NAA35: variants seen among roughly 807,000 people sequenced by gnomAD.
NAA35 encodes MAK10 homolog, amino-acid N-acetyltransferase subunit.
In NAA35, 18 loss-of-function variants were observed where a neutral mutation model predicts 101.7. That is an observed-to-expected ratio of 0.18 (90% CI 0.12 to 0.26). The LOEUF is 0.26. Ranked by LOEUF, NAA35 falls within the 10% of genes least tolerant of loss-of-function variation. The probability of loss-of-function intolerance (pLI) is 1.00; values close to 1 mark genes in which losing one functional copy is unlikely to be tolerated. For missense variants in NAA35, 601 were observed against 886.8 expected (o/e 0.68, Z 4.09); for synonymous variants, 267 against 273.1 (o/e 0.98, Z 0.22).
chr9:86,005,583 G>A (rs1001320593), intron 13 of NAA35, among the ~76,000 whole-genome samples: 1 of 152,130 alleles, frequency 6.6e-6, no homozygotes, highest in African/African-American at 2.4e-5. Context: ...GAATGCCCAT[G>A]GATTTTACAA....
rs1019796474 is a variant in NAA35 at position 85,986,422 on chromosome 9, G to C, written c.877+8041G>C. On this transcript the variant is annotated intron_variant, in intron 11 of 22. Coordinates refer to ENST00000361671, the MANE Select transcript of NAA35 (RefSeq NM_024635.4). ...GGCATGTAATTTGTATGTGGTTACA[G>C]TGCTACTTGTTTTTTGTTTTACACA... 6 of 470,056 alleles carry C rather than the reference G, an allele frequency of 1.3e-5. No individual in the cohort carries two copies. In the Admixed American group the frequency reaches 1.4e-4, roughly 11 times the overall value. The allele number at this position is 470,056 out of a possible 1,614,324, so 29.1% of individuals were successfully genotyped here.
In NAA35 at chr9:86,020,984, G is replaced by A. The variant is rs200872684; in HGVS notation, c.2118+15G>A. On this transcript the variant is annotated intron_variant, in intron 22 of 22. Coordinates refer to ENST00000361671, the MANE Select transcript of NAA35 (RefSeq NM_024635.4). ...AGGAATCTAAAGTGAGTACATTGTG[G>A]GAAAAATAAGTGGTCTTAGATTATT... 2,566 of 1,570,082 alleles carry A rather than the reference G, an allele frequency of 1.6e-3. 62 individuals carry two copies. The South Asian group carries it at 0.027, about 16-fold the overall frequency.
At position 86,013,122 on chromosome 9, in the gene NAA35, A is replaced by C; in HGVS notation, c.1367A>C (p.Glu456Ala). The C allele has an allele frequency of 6.3e-7, 1 of 1,592,912 alleles. No homozygotes were observed. The highest frequency in any genetic ancestry group is 8.6e-7 in the Non-Finnish European group (1 of 1,165,434). The stretch of plus-strand genomic sequence containing the variant: ...GATAAGCTTGGTCATATTCTTGAGG[A>C]ATTTGCCACCTTGCAGGATGAGGTA... ...QRDKLGHILE[E>A]FATLQDEAEK... is the part of the protein sequence containing the mutation. The change falls in exon 16 of 23, where the codon GAA becomes GCA. Residue 456 changes from glutamate to alanine, a missense_variant. By Grantham distance (107) the Glu-to-Ala change is moderately radical. Coordinates refer to ENST00000361671, the MANE Select transcript of NAA35 (RefSeq NM_024635.4).
At chr9:86,012,701 T>C (rs2118431453) in intron 15 of NAA35, among the ~76,000 whole-genome samples, 1 of 152,298 alleles carries the variant, frequency 6.6e-6, no homozygotes, top group South Asian at 2.1e-4. Context: ...TTCTGACATA[T>C]TTATAGCAGC....
At chr9:85,975,689 A>G (rs1213660071) in intron 8 of NAA35, among the ~76,000 whole-genome samples, 5 of 152,246 alleles carry the variant, frequency 3.3e-5, no homozygotes, top group African/African-American at 1.2e-4. Context: ...TGAGTATATT[A>G]AAATTTAACC....
intron 12 of NAA35, among the ~76,000 whole-genome samples, chr9:86,002,381 TC>T (rs1831453257): frequency 6.6e-6 from 1 of 152,160 alleles, no homozygotes; most frequent in Admixed American, 6.5e-5. Flanking sequence ...TCTCTGTATT[TC>T]CTGAATTTGA....
intron 11 of NAA35, among the ~76,000 whole-genome samples, chr9:85,984,203 C>G (rs1298242219): frequency 6.6e-6 from 1 of 152,052 alleles, no homozygotes; most frequent in Non-Finnish European, 1.5e-5. Flanking sequence ...TGGCATGTGC[C>G]TTGTAGTCCT....
chr9:85,941,656 C>G (rs1587541424), intron 1 of NAA35: 1 of 986,310 alleles, frequency 1.0e-6, no homozygotes, highest in Non-Finnish European at 1.2e-6. Context: ...TGCCTGCCGG[C>G]TCCTCATTGC....
At chr9:85,981,142 A>G (rs1213091562) in intron 11 of NAA35, among the ~76,000 whole-genome samples, 1 of 152,056 alleles carries the variant, frequency 6.6e-6, no homozygotes, top group African/African-American at 2.4e-5. Context: ...ATTTATCATC[A>G]TTTTCACTTT....
chr9:85,990,628 A>G (rs1830860903), intron 11 of NAA35, among the ~76,000 whole-genome samples: 2 of 152,256 alleles, frequency 1.3e-5, no homozygotes, highest in Non-Finnish European at 2.9e-5. Context: ...TAGTGATAAC[A>G]AAACTCAGTT....
At position 86,022,665 on chromosome 9, in the gene NAA35, T is replaced by A. The variant is rs952873663; in HGVS notation, c.*705T>A. Among the ~76,000 whole-genome samples, 1 of 152,216 alleles carries A rather than the reference T, an allele frequency of 6.6e-6. No homozygotes were observed. Among genetic ancestry groups the A allele is most frequent in the African/African-American group, 2.4e-5 (1 of 41,462 alleles). ...ATAGATTAAAATTTAGGACTAGGTT[T>A]AAATGTGGTGTACTTTTTGTTTACT... On this transcript the variant is annotated 3_prime_UTR_variant, in exon 23 of 23. Transcript: ENST00000361671.
chr9:85,945,494 T>G (rs537481781), intron 2 of NAA35, among the ~76,000 whole-genome samples: 2 of 152,238 alleles, frequency 1.3e-5, no homozygotes, highest in African/African-American at 4.8e-5. Flanking sequence ...ATCTCTCCCC[T>G]TTGGTAAGAA....
intron 3 of NAA35, among the ~76,000 whole-genome samples, chr9:85,956,834 C>A (rs13297518): frequency 6.6e-6 from 1 of 152,170 alleles, no homozygotes; most frequent in South Asian, 2.1e-4. Flanking sequence ...GCATACAATT[C>A]TGATGACTGG....
At chr9:85,958,216 C>G (rs559605615) in intron 3 of NAA35, among the ~76,000 whole-genome samples, 8 of 152,302 alleles carry the variant, frequency 5.3e-5, no homozygotes, top group African/African-American at 1.9e-4. Context: ...GCTGGGATTA[C>G]AGGTGTGAGC....
chr9:85,952,232 T>G (rs1466810903), intron 2 of NAA35, among the ~76,000 whole-genome samples: 1 of 151,912 alleles, frequency 6.6e-6, no homozygotes, highest in Non-Finnish European at 1.5e-5. Flanking sequence ...TGATTGTTTT[T>G]CTTTTTTTTT....
At chr9:85,959,463 T>G (rs944623107) in intron 4 of NAA35, among the ~76,000 whole-genome samples, 3 of 151,986 alleles carry the variant, frequency 2.0e-5, no homozygotes, top group African/African-American at 7.2e-5. Context: ...TACTTAAAGC[T>G]GGTTTGAACT....
chr9:85,975,341 A>G (rs971871859), intron 8 of NAA35, among the ~76,000 whole-genome samples, 184 bp downstream of exon 8: 5 of 152,064 alleles, frequency 3.3e-5, no homozygotes, highest in Admixed American at 6.5e-5. Flanking sequence ...AAATTTTAGT[A>G]TATGTGCTGC....
At chr9:86,011,933 CTATAA>C (rs1298694331) in intron 15 of NAA35, among the ~76,000 whole-genome samples, 1 of 134,342 alleles carries the variant, frequency 7.4e-6, no homozygotes, top group Non-Finnish European at 1.6e-5. Context: ...ATAATATATA[CTATAA>C]TATATAATAT....
intron 11 of NAA35, among the ~76,000 whole-genome samples, chr9:85,984,268 A>G (rs1292634513): frequency 2.6e-5 from 4 of 152,278 alleles, no homozygotes; most frequent in Admixed American, 2.6e-4. Context: ...GGTTGAGGCT[A>G]CAGTGAGCTA....
Sources: gnomAD v4.1 joint callset for allele counts (sites outside exome capture counted in the v4.1 genomes callset) on GRCh38, gnomAD v4.1.1 for gene constraint, MANE v1.5 for transcripts, NCBI Gene and HGNC (gene_info 2026-07-23, HGNC 2026-07-21) for gene names.